The following FN1 variants were observed in gnomAD, a reference collection of about 807,000 sequenced individuals.
FN1 encodes the protein fibronectin 1.
FN1 carries 106 observed loss-of-function variants against 297.3 expected under a neutral mutation model. The ratio of observed to expected loss-of-function variants is 0.36; its 90% CI spans 0.30 to 0.42. FN1 has a LOEUF of 0.42. Among genes scored for constraint, FN1 ranks in the 10% least tolerant of loss-of-function variants. The pLI is 1.00. For missense variants in FN1, 2,690 were observed against 3,124.9 expected (o/e 0.86, Z 3.32); for synonymous variants, 1,149 against 1,152.6 (o/e 1.00, Z 0.06).
Position 215,422,201 on chromosome 2 carries a change from C to T in FN1, c.1436G>A (p.Arg479His), listed in dbSNP as rs761729774. ...CTGCTTATCCCACTGATCTCCAATG[C>T]GGTACATGACCCCTTCATTGGTTGT... ...ICTTNEGVMY[R>H]IGDQWDKQHD... Residue 479 changes from arginine (R) to histidine (H), a missense_variant, in exon 10 of 46, where the codon CGC (arginine) becomes CAC (histidine). Transcript: ENST00000354785. 2.1e-5 allele frequency: 34 copies of T among 1,613,716 alleles called. No homozygotes were observed. Among genetic ancestry groups the T allele is most frequent in the South Asian group, 1.9e-4 (17 of 91,072 alleles).
intron 2 of FN1, among the ~76,000 whole-genome samples, chr2:215,433,680 T>C (rs1466912788): frequency 1.3e-5 from 2 of 152,258 alleles, no homozygotes; most frequent in Admixed American, 6.5e-5. Flanking sequence ...AAATTATTCA[T>C]ATTGTAGAAA....
intron 32 of FN1, chr2:215,381,868 A>T (rs2058269333): frequency 2.8e-6 from 1 of 358,008 alleles, no homozygotes; most frequent in African/African-American, 2.1e-5. Context: ...AAGCTACATG[A>T]GGCACACTTC....
chr2:215,429,947 G>A (rs1053981596), intron 5 of FN1, among the ~76,000 whole-genome samples: 6 of 152,176 alleles, frequency 3.9e-5, no homozygotes, highest in Admixed American at 3.3e-4. Flanking sequence ...GATGATCACA[G>A]TAACATTTTA....
At chr2:215,426,928 T>C (rs1001760025) in intron 6 of FN1, among the ~76,000 whole-genome samples, 2 of 152,048 alleles carry the variant, frequency 1.3e-5, no homozygotes, top group Admixed American at 6.6e-5. Context: ...CAGGCTGGAG[T>C]GCAGTGGTGC....
chr2:215,406,059 G>C (rs1327879762), intron 19 of FN1, among the ~76,000 whole-genome samples, 179 bp downstream of exon 19: 1 of 152,164 alleles, frequency 6.6e-6, no homozygotes, highest in African/African-American at 2.4e-5. Context: ...CATGGAGCTT[G>C]TCTGAGTTTT....
At chr2:215,415,040 T>C in intron 12 of FN1, 82 bp from the exon 13 acceptor site, 2 of 1,057,874 alleles carry the variant, frequency 1.9e-6, no homozygotes, top group Non-Finnish European at 2.9e-6. Context: ...CAGTCATCAT[T>C]ATAAACAGCT....
At position 215,372,144 on chromosome 2, in the gene FN1, A is replaced by G. The variant is rs147627800; in HGVS notation, c.6479T>C (p.Ile2160Thr). 1.9e-5 allele frequency: 30 copies of G among 1,614,058 alleles called. No individual in the cohort carries two copies. The African/African-American group carries it at 3.3e-4, about 18-fold the overall frequency. The change falls in exon 40 of 46, where the codon ATA becomes ACA. Residue 2160 changes from isoleucine (I) to threonine (T), a missense_variant. By Grantham distance (89) the Ile-to-Thr change is moderately conservative. This residue lies in a region of FN1 where 1,743 missense variants were observed against 1,945.2 expected (regional missense o/e 0.90). Transcript: ENST00000354785. ...RTTPPTTATP[I>T]RHRPRPYPPN... is the part of the protein sequence containing the mutation. ...CGGGTATGGTCTTGGCCTATGCCTT[A>G]TGGGGGTGGCCGTTGTGGGCGGTGT...
chr2:215,363,875 A>G (rs1414249476), intron 44 of FN1, among the ~76,000 whole-genome samples: 1 of 152,202 alleles, frequency 6.6e-6, no homozygotes, highest in African/African-American at 2.4e-5. Flanking sequence ...GGCTTAAATA[A>G]TGGGTTGCCA....
rs2057062279 is a variant in FN1, at chr2:215,375,263, T to A, written c.6108A>T (p.Arg2036Ser). The change falls in exon 38 of 46, where the codon AGA (arginine) becomes AGT (serine). Residue 2036 changes from arginine to serine, a missense_variant. Around this residue, in one of 3 missense-constraint regions of FN1, gnomAD observed 1,743 missense variants for 1,945.2 expected, o/e 0.90. Transcript: ENST00000354785. The part of the protein sequence containing the change: ...IKYEKPGSPP[R>S]EVVPRPRPGV... Reference sequence around the variant, plus strand: ...CAGGGCGGGGCCGAGGGACCACTTCTCTGGGAGGAGACCCAGGCTTCTCAT... The same window carrying A: ...CAGGGCGGGGCCGAGGGACCACTTCACTGGGAGGAGACCCAGGCTTCTCAT... The A allele has an allele frequency of 6.2e-7, 1 of 1,614,170 alleles. No individual in the cohort carries two copies. Among genetic ancestry groups the A allele is most frequent in the Non-Finnish European group, 8.5e-7 (1 of 1,180,022 alleles).
At chr2:215,377,888 C>T (rs1024859765) in intron 35 of FN1, among the ~76,000 whole-genome samples, 5 of 152,160 alleles carry the variant, frequency 3.3e-5, no homozygotes, top group African/African-American at 7.2e-5. Context: ...AGATGACAGT[C>T]ATGCGTCAAA....
In FN1 at chr2:215,392,946, G is replaced by C. The variant is rs776836098; in HGVS notation, c.4054C>G (p.Leu1352Val). The C allele has an allele frequency of 3.2e-5, 51 of 1,612,606 alleles. No individual in the cohort carries two copies. The highest frequency in any genetic ancestry group is 4.2e-5 in the Non-Finnish European group (50 of 1,180,018). Reference protein sequence around the residue: ...INGGESAPTTLTQQTAVPPPT... With the variant: ...INGGESAPTTVTQQTAVPPPT... ...CAAAATTCACCCGTTTGTTGTGTCA[G>C]TGTAGTAGGGGCACTCTCGCCGCCA... The change falls in exon 25 of 46, where the codon CTG (leucine) becomes GTG (valine). Residue 1352 changes from leucine to valine, a missense_variant. Coordinates refer to ENST00000354785, the MANE Select transcript of FN1 (RefSeq NM_212482.4).
chr2:215,414,509 T>C (rs546713027), intron 13 of FN1, among the ~76,000 whole-genome samples: 1 of 152,242 alleles, frequency 6.6e-6, no homozygotes, highest in African/African-American at 2.4e-5. Context: ...AAACCTTAGA[T>C]TCTCTTCCCA....
intron 35 of FN1, among the ~76,000 whole-genome samples, 189 bp downstream of exon 35, chr2:215,377,986 T>A (rs963398009): frequency 1.3e-5 from 2 of 152,160 alleles, no homozygotes; most frequent in Non-Finnish European, 2.9e-5. Context: ...TATTTTATTT[T>A]TTTTAAGAGA....
chr2:215,406,848 G>A (rs973085618), intron 18 of FN1, among the ~76,000 whole-genome samples: 2 of 152,084 alleles, frequency 1.3e-5, no homozygotes, highest in African/African-American at 4.8e-5. Context: ...TTGTTTTACT[G>A]AATCATTTTA....
rs1217600894 is a variant in FN1 at position 215,425,857 on chromosome 2, C to T, written c.845-572G>A. On this transcript the variant is annotated intron_variant, in intron 6 of 45. Transcript: ENST00000354785. Reference sequence around the variant, plus strand: ...AAAGTGCTGGGATTACAGGCATGAGCCACCTCGCCTGGCCGGGATTATATT... The same window carrying T: ...AAAGTGCTGGGATTACAGGCATGAGTCACCTCGCCTGGCCGGGATTATATT... Among the ~76,000 whole-genome samples the T allele has an allele frequency of 2.6e-5, 4 of 152,186 alleles. No individual in the cohort carries two copies. The East Asian group carries it at 7.7e-4, about 29-fold the overall frequency.
rs200985378 is a variant in FN1 at position 215,367,847 on chromosome 2, C to T, written c.7018+16G>A. The T allele has an allele frequency of 6.2e-7, 1 of 1,613,616 alleles. No individual in the cohort carries two copies. On this transcript the variant is annotated intron_variant, in intron 42 of 45. Coordinates refer to ENST00000354785, the MANE Select transcript of FN1 (RefSeq NM_212482.4). ...GGAGACAAACACGGAAGTGGATGGACAAAGCAACTACTCACTAGATGAATC... is the reference window on the plus strand; with the variant it reads ...GGAGACAAACACGGAAGTGGATGGATAAAGCAACTACTCACTAGATGAATC...
In FN1 at chr2:215,415,143, G is replaced by A. The variant is rs562134462; in HGVS notation, c.1820-185C>T. On this transcript the variant is annotated intron_variant, in intron 12 of 45. Transcript: ENST00000354785. ...AATCAATGCAGCAAATCCATTTTTA[G>A]CCGATAATTATTATTCTTCACATGA... Among the ~76,000 whole-genome samples, 3 of 152,022 alleles carry A rather than the reference G, an allele frequency of 2.0e-5. No individual in the cohort carries two copies. The South Asian group carries it at 6.2e-4, about 32-fold the overall frequency.
rs777236760 is a variant in FN1 at position 215,361,598 on chromosome 2, A to G, written c.7391T>C (p.Met2464Thr). The change falls in exon 46 of 46, where the codon ATG becomes ACG. Residue 2464 changes from methionine (M) to threonine (T), a missense_variant. Met to Thr is a moderately conservative substitution (Grantham distance 81). Coordinates refer to ENST00000354785, the MANE Select transcript of FN1 (RefSeq NM_212482.4). ...TNVNCPIECF[M>T]PLDVQADRED... ...TCTGTCAGCCTGTACATCTAAAGGC[A>G]TGAAGCACTCAATTGGGCAATTAAC... is the stretch of plus-strand genomic sequence containing the variant. 37 of 1,612,674 alleles carry G rather than the reference A, an allele frequency of 2.3e-5. No individual in the cohort carries two copies. The highest frequency in any genetic ancestry group is 3.1e-5 in the Non-Finnish European group (37 of 1,178,742).
Position 215,392,961 on chromosome 2 carries a change from T to C in FN1, c.4039A>G (p.Ser1347Gly). ...TGTTGTGTCAGTGTAGTAGGGGCAC[T>C]CTCGCCGCCATTAATGAGAGTGATA... ...SVITLINGGESAPTTLTQQTA... is the reference protein window; with the variant it reads ...SVITLINGGEGAPTTLTQQTA... Residue 1347 changes from serine (S) to glycine (G), a missense_variant, in exon 25 of 46, where the codon AGT becomes GGT. This residue lies in a region of FN1 where 1,743 missense variants were observed against 1,945.2 expected (regional missense o/e 0.90). Transcript: ENST00000354785. 1.2e-6 allele frequency: 2 copies of C among 1,613,066 alleles called. No individual in the cohort carries two copies. The highest frequency in any genetic ancestry group is 1.7e-6 in the Non-Finnish European group (2 of 1,180,022).
Sources: allele counts gnomAD v4.1 joint callset (sites outside exome capture counted in the v4.1 genomes callset), GRCh38; gene constraint gnomAD v4.1.1; regional missense constraint gnomAD v4.1.1; transcripts MANE v1.5; gene names NCBI Gene and HGNC (gene_info 2026-07-23, HGNC 2026-07-21).